Variants in CPPED1 observed in about 807,000 individuals in gnomAD.
The protein encoded by CPPED1 is serine/threonine-protein phosphatase CPPED1.
A neutral mutation model predicts 28.0 loss-of-function variants in CPPED1; 28 were observed. The observed-to-expected ratio is 1.00, with a 90% CI of 0.74 to 1.37. The LOEUF is 1.37. CPPED1 is among the 40% of genes most tolerant of loss of function. The pLI, the probability that CPPED1 is intolerant of heterozygous loss-of-function variation, is 0.00. For synonymous variants in CPPED1, 198 were observed against 180.2 expected (o/e 1.10, Z -0.79); for missense variants, 504 against 416.5 (o/e 1.21, Z -1.83).
At chr16:12,697,618 C>T (rs1354565956) in intron 3 of CPPED1, among the ~76,000 whole-genome samples, 1 of 152,182 alleles carries the variant, frequency 6.6e-6, no homozygotes, top group Non-Finnish European at 1.5e-5. Flanking sequence ...GGAAAATTAT[C>T]ACCGGCAGGC....
At chr16:12,717,412 C>T (rs1024230997) in intron 2 of CPPED1, among the ~76,000 whole-genome samples, 4 of 151,992 alleles carry the variant, frequency 2.6e-5, no homozygotes, top group African/African-American at 7.2e-5. Flanking sequence ...TACAGGCGCC[C>T]GCCACTGCGC....
chr16:12,751,513 G>A (rs1567295736), intron 2 of CPPED1, among the ~76,000 whole-genome samples: 1 of 152,208 alleles, frequency 6.6e-6, no homozygotes, highest in Non-Finnish European at 1.5e-5. Context: ...GAATACAGAT[G>A]TGATGGCTGC....
chr16:12,775,045 C>T (rs2080489731), intron 2 of CPPED1, among the ~76,000 whole-genome samples: 1 of 152,106 alleles, frequency 6.6e-6, no homozygotes, highest in Non-Finnish European at 1.5e-5. Context: ...GTCTCCAACT[C>T]CTGAGCTCAA....
rs1477563700 is a variant in CPPED1 at position 12,665,054 on chromosome 16, G to A, written c.777C>T (p.Leu259=). The A allele has an allele frequency of 2.1e-5, 34 of 1,609,734 alleles. No homozygotes were observed. The highest frequency in any genetic ancestry group is 2.7e-5 in the Non-Finnish European group (32 of 1,178,750). ...CAATGGCAGATGACACCACCATGTC[G>A]AGGTTCTGGTAGGTACCCCCGGCAT... The part of the protein sequence containing the change: ...HRNAGGTYQN[L]DMVVSSAIGC... Residue 259 remains leucine (L), a synonymous_variant, in exon 4 of 4, where the codon CTC becomes CTT. Transcript: ENST00000381774.
intron 2 of CPPED1, among the ~76,000 whole-genome samples, chr16:12,754,782 T>G (rs1409954113): frequency 1.3e-5 from 2 of 152,168 alleles, no homozygotes; most frequent in Non-Finnish European, 2.9e-5. Flanking sequence ...GAGGATCACC[T>G]GAAACCAGGA....
chr16:12,667,984 G>A (rs571528702), intron 3 of CPPED1, among the ~76,000 whole-genome samples: 13 of 152,194 alleles, frequency 8.5e-5, no homozygotes, highest in Non-Finnish European at 1.2e-4. Flanking sequence ...AGAAAGAACC[G>A]CAGTAAAAAC....
chr16:12,708,093 G>C (rs532022391), intron 2 of CPPED1, among the ~76,000 whole-genome samples: 3 of 152,332 alleles, frequency 2.0e-5, no homozygotes, highest in Admixed American at 1.3e-4. Context: ...GTTGCAGTGA[G>C]CTGAGACCGT....
chr16:12,708,793 A>G (rs2080064931), intron 2 of CPPED1, among the ~76,000 whole-genome samples: 1 of 152,170 alleles, frequency 6.6e-6, no homozygotes. Flanking sequence ...AAATAGTCCC[A>G]TTGTGGCTGG....
chr16:12,669,755 T>C (rs971879050), intron 3 of CPPED1, among the ~76,000 whole-genome samples: 2 of 152,268 alleles, frequency 1.3e-5, no homozygotes, highest in East Asian at 3.9e-4. Context: ...CTAGTAAGGA[T>C]TCTCTAATAA....
intron 2 of CPPED1, among the ~76,000 whole-genome samples, chr16:12,727,110 C>A (rs1596461928): frequency 6.6e-6 from 1 of 152,178 alleles, no homozygotes; most frequent in Non-Finnish European, 1.5e-5. Context: ...CCATATACAA[C>A]TGGAGCCCTG....
intron 2 of CPPED1, among the ~76,000 whole-genome samples, chr16:12,780,260 A>G (rs2080522077): frequency 6.7e-6 from 1 of 149,658 alleles, no homozygotes; most frequent in African/African-American, 2.5e-5. Context: ...GCTCACTGCA[A>G]CCTCCGCCTC....
In CPPED1 at chr16:12,746,688, A is replaced by C. The variant is rs1050684807; in HGVS notation, c.289+34497T>G. ...GTAAAAGAAAAAAAATCACGACAGC[A>C]TATGGCAGGGTTTTTAGCATTTATT... On this transcript the variant is annotated intron_variant, in intron 2 of 3. Coordinates refer to ENST00000381774, the MANE Select transcript of CPPED1 (RefSeq NM_018340.3). Among the ~76,000 whole-genome samples, 8 of 152,318 alleles carry C rather than the reference A, an allele frequency of 5.3e-5. 1 individual carries two copies. In the South Asian group the frequency reaches 1.7e-3, roughly 32 times the overall value.
Position 12,723,089 on chromosome 16 carries a change from G to A in CPPED1, c.290-18040C>T, listed in dbSNP as rs114228832. Among the ~76,000 whole-genome samples, 1,263 of 152,242 alleles carry A rather than the reference G, an allele frequency of 8.3e-3. 19 individuals carry two copies. The highest frequency in any genetic ancestry group is 0.029 in the African/African-American group (1,195 of 41,524). On this transcript the variant is annotated intron_variant, in intron 2 of 3. Coordinates refer to ENST00000381774, the MANE Select transcript of CPPED1 (RefSeq NM_018340.3). The stretch of plus-strand genomic sequence containing the variant: ...AGGAGGGTCGGCAACGTCTCCACCC[G>A]GCTCCCATCTAACTTCCGTATGTGC...
At chr16:12,695,294 T>G (rs146123399) in intron 3 of CPPED1, among the ~76,000 whole-genome samples, 1 of 152,310 alleles carries the variant, frequency 6.6e-6, no homozygotes, top group Non-Finnish European at 1.5e-5. Flanking sequence ...AGACAGGATC[T>G]TGCTCTGTTG....
In CPPED1 at chr16:12,660,302, G is replaced by T. The variant is rs1031997114; in HGVS notation, c.*4584C>A. 1 of 152,094 alleles carries T rather than the reference G, an allele frequency of 6.6e-6. No individual in the cohort carries two copies. The highest frequency in any genetic ancestry group is 1.5e-5 in the Non-Finnish European group (1 of 68,034). 9.4% of individuals were successfully genotyped at this position (152,094 alleles called of 1,614,324 possible). A position where few individuals can be genotyped will look rare whatever the true frequency, so the allele number is the denominator to read the frequency against. ...AACATAATGGTCAGAATAATGAAGGGTAACATGATTATTCACATTTAATCG... is the reference window on the plus strand; with the variant it reads ...AACATAATGGTCAGAATAATGAAGGTTAACATGATTATTCACATTTAATCG... On this transcript the variant is annotated 3_prime_UTR_variant, in exon 4 of 4. Coordinates refer to ENST00000381774, the MANE Select transcript of CPPED1 (RefSeq NM_018340.3).
chr16:12,743,321 C>T (rs1399605816), intron 2 of CPPED1, among the ~76,000 whole-genome samples: 1 of 152,118 alleles, frequency 6.6e-6, no homozygotes, highest in Non-Finnish European at 1.5e-5. Flanking sequence ...ATCCTTATCC[C>T]CACCACACAA....
chr16:12,700,948 C>G (rs371381001), intron 3 of CPPED1, among the ~76,000 whole-genome samples: 1 of 152,026 alleles, frequency 6.6e-6, no homozygotes, highest in Non-Finnish European at 1.5e-5. Context: ...GAGTGGGAGG[C>G]GGGATGTGGT....
At chr16:12,691,740 C>T (rs2079963974) in intron 3 of CPPED1, among the ~76,000 whole-genome samples, 1 of 145,010 alleles carries the variant, frequency 6.9e-6, no homozygotes, top group Non-Finnish European at 1.5e-5. Context: ...CATGTTCTCA[C>T]TCATAGGTGG....
rs1376525392 is a variant in CPPED1 at position 12,660,393 on chromosome 16, T to C, written c.*4493A>G. On this transcript the variant is annotated 3_prime_UTR_variant, in exon 4 of 4. Coordinates refer to ENST00000381774, the MANE Select transcript of CPPED1 (RefSeq NM_018340.3). ...CTGTATTTATGTGCATGCACTGATG[T>C]TTAAAAATCCACTGGAGGAAAAGGA... is the stretch of plus-strand genomic sequence containing the variant. 1.3e-5 allele frequency: 2 copies of C among 152,204 alleles called. No homozygotes were observed. The highest frequency in any genetic ancestry group is 1.3e-4 in the Admixed American group (2 of 15,276). The allele number at this position is 152,204 out of a possible 1,614,324, so 9.4% of individuals were successfully genotyped here.
Sources: gnomAD v4.1 joint callset for allele counts (sites outside exome capture counted in the v4.1 genomes callset) on GRCh38, gnomAD v4.1.1 for gene constraint, MANE v1.5 for transcripts, NCBI Gene and HGNC (gene_info 2026-07-23, HGNC 2026-07-21) for gene names.